Variants in HDAC9 observed in about 807,000 individuals in gnomAD.
HDAC9 encodes the protein histone deacetylase 9.
A neutral mutation model predicts 139.4 loss-of-function variants in HDAC9; 41 were observed. The ratio of observed to expected loss-of-function variants is 0.29; its 90% confidence interval spans 0.23 to 0.38. HDAC9 has a LOEUF of 0.38. Among genes scored for constraint, HDAC9 ranks in the 10% least tolerant of loss-of-function variants. The pLI is 1.00. For missense variants in HDAC9, 1,147 were observed against 1,297.0 expected, an observed-to-expected ratio of 0.88 and a Z score of 1.78; for synonymous variants, 517 against 476.2, an observed-to-expected ratio of 1.09 and a Z score of -1.12.
At chr7:18,751,638 C>G (rs1788457361) in intron 14 of HDAC9, among the ~76,000 whole-genome samples, 1 of 151,704 alleles carries the variant, frequency 6.6e-6, no homozygotes. Flanking sequence ...AAAATTAATT[C>G]ACTTTTAAGA....
intron 12 of HDAC9, among the ~76,000 whole-genome samples, chr7:18,697,659 G>T (rs939103096): frequency 6.6e-6 from 1 of 152,138 alleles, no homozygotes; most frequent in Non-Finnish European, 1.5e-5. Context: ...TGTTCAAATG[G>T]CTCTTATCCC....
At chr7:18,511,121 T>C (rs1801372313) in intron 2 of HDAC9, among the ~76,000 whole-genome samples, 1 of 152,224 alleles carries the variant, frequency 6.6e-6, no homozygotes, top group Non-Finnish European at 1.5e-5. Context: ...TTAGGCTTTC[T>C]TATCATTGTT....
At chr7:18,859,844 A>ATGTGTGTGTGTGTGTGTGTGTG (rs1488141588) in intron 21 of HDAC9, among the ~76,000 whole-genome samples, 2 of 123,164 alleles carry the variant, frequency 1.6e-5, no homozygotes, top group Non-Finnish European at 3.4e-5. Context: ...ATATATATAT[A>ATGTGTGTGTGTGTGTGTGTGTG]TATATATATA....
chr7:18,946,975 A>C (rs1364804717), intron 23 of HDAC9, among the ~76,000 whole-genome samples: 3 of 152,046 alleles, frequency 2.0e-5, no homozygotes, highest in Non-Finnish European at 2.9e-5. Flanking sequence ...TTCTTACCAC[A>C]GTGAGGTAAT....
chr7:18,495,878 T>C lies in HDAC9; in HGVS notation c.-187T>C, dbSNP rs1796807085. ...AGGTTTAATTGGTTTCTTTTTCTCGTGGGTAGACTTAATAATTTTCTACGT... is the reference window on the plus strand; with the variant it reads ...AGGTTTAATTGGTTTCTTTTTCTCGCGGGTAGACTTAATAATTTTCTACGT... On this transcript the variant is annotated 5_prime_UTR_variant, in exon 1 of 26. Coordinates refer to ENST00000686413, the MANE Select transcript of HDAC9 (RefSeq NM_178425.4). 8.9e-7 allele frequency: 1 copy of C among 1,123,158 alleles called. No individual in the cohort carries two copies. Among genetic ancestry groups the C allele is most frequent in the Non-Finnish European group, 1.1e-6 (1 of 919,684 alleles). 69.6% of individuals were successfully genotyped at this position (1,123,158 alleles called of 1,614,324 possible). A position where few individuals can be genotyped will look rare whatever the true frequency, so the allele number is the denominator to read the frequency against.
At chr7:18,909,356 T>G (rs1162010485) in intron 22 of HDAC9, among the ~76,000 whole-genome samples, 1 of 152,052 alleles carries the variant, frequency 6.6e-6, no homozygotes, top group East Asian at 1.9e-4. Flanking sequence ...TCTTTTCACT[T>G]TGTTGATTGT....
intron 25 of HDAC9, among the ~76,000 whole-genome samples, chr7:18,986,346 G>A (rs1415680391): frequency 7.1e-5 from 2 of 28,176 alleles, no homozygotes; most frequent in African/African-American, 2.8e-4. Context: ...CCCATTGCTT[G>A]TTTTTCTCAG....
intron 22 of HDAC9, among the ~76,000 whole-genome samples, chr7:18,903,926 G>A (rs1335175180): frequency 6.6e-6 from 1 of 152,070 alleles, no homozygotes. Context: ...CTCATATTCT[G>A]TTCACCTCCA....
intron 2 of HDAC9, among the ~76,000 whole-genome samples, chr7:18,525,628 T>G (rs749935605): frequency 6.6e-6 from 1 of 152,148 alleles, no homozygotes. Context: ...AGTTCCCAGT[T>G]TTTCATATAT....
rs370994265 is a variant in HDAC9, at chr7:18,414,720, GT to G, written c.-41-81541del. Among the ~76,000 whole-genome samples the G allele has an allele frequency of 1.5e-3, 235 of 152,244 alleles. 1 individual carries two copies. Among genetic ancestry groups the G allele is most frequent in the African/African-American group, 5.2e-3 (216 of 41,550 alleles). On this transcript the variant is annotated intron_variant, in intron 1 of 3. Coordinates refer to the HDAC9 transcript ENST00000413509. The stretch of plus-strand genomic sequence containing the variant: ...TTACTTCTAAATACAGAAAAACATT[GT>G]AATGGTAGGCACAAACGCTTCTTAG...
chr7:18,113,541 G>A (rs1783769097), intron 1 of HDAC9, among the ~76,000 whole-genome samples: 1 of 152,194 alleles, frequency 6.6e-6, no homozygotes, highest in Non-Finnish European at 1.5e-5. Context: ...TGCATGGATA[G>A]TTTGAACACA....
At chr7:18,582,506 T>TTATA (rs569203056) in intron 2 of HDAC9, among the ~76,000 whole-genome samples, 6 of 150,820 alleles carry the variant, frequency 4.0e-5, no homozygotes, top group African/African-American at 1.2e-4. Flanking sequence ...ACTACATTGC[T>TTATA]TATATATATA....
chr7:18,624,583 A>C (rs1038628455), intron 6 of HDAC9, among the ~76,000 whole-genome samples: 1 of 152,030 alleles, frequency 6.6e-6, no homozygotes, highest in Non-Finnish European at 1.5e-5. Flanking sequence ...ATACAAGCAG[A>C]ACCTCTCCCC....
At chr7:18,819,466 A>T (rs1794805719) in intron 17 of HDAC9, among the ~76,000 whole-genome samples, 1 of 152,234 alleles carries the variant, frequency 6.6e-6, no homozygotes. Context: ...TTCATCAGTT[A>T]TGAAAATAGA....
At chr7:18,305,920 A>T (rs375383143) in intron 1 of HDAC9, among the ~76,000 whole-genome samples, 3 of 152,096 alleles carry the variant, frequency 2.0e-5, no homozygotes, top group Non-Finnish European at 4.4e-5. Context: ...AGGTAACCTG[A>T]GCCAAGATGA....
At chr7:18,629,286 T>G in intron 6 of HDAC9, 64 bp from the exon 7 acceptor site, 1 of 1,393,550 alleles carries the variant, frequency 7.2e-7, no homozygotes, top group Non-Finnish European at 9.6e-7. Flanking sequence ...TTTTAACACA[T>G]GAGCAATTGG....
chr7:18,899,654 T>C (rs778503554), intron 22 of HDAC9, among the ~76,000 whole-genome samples: 1 of 152,020 alleles, frequency 6.6e-6, no homozygotes, highest in Non-Finnish European at 1.5e-5. Flanking sequence ...GTGAATACAG[T>C]GAGTTAATGA....
chr7:18,533,532 T>C (rs1023995668), intron 2 of HDAC9, among the ~76,000 whole-genome samples: 3 of 152,200 alleles, frequency 2.0e-5, no homozygotes, highest in Non-Finnish European at 2.9e-5. Context: ...TTGTGAGTTC[T>C]AGTCCCAATT....
At chr7:18,301,076 T>C (rs1227720900) in intron 1 of HDAC9, among the ~76,000 whole-genome samples, 1 of 102,804 alleles carries the variant, frequency 9.7e-6, no homozygotes, top group African/African-American at 3.5e-5. Context: ...GAAAACACTG[T>C]TTTTTTTTCC....
Sources: allele counts gnomAD v4.1 joint callset (sites outside exome capture counted in the v4.1 genomes callset), GRCh38; gene constraint gnomAD v4.1.1; transcripts MANE v1.5; gene names NCBI Gene and HGNC (gene_info 2026-07-23, HGNC 2026-07-21).